Variants in GRM7 observed in about 807,000 individuals in gnomAD.
GRM7 encodes metabotropic glutamate receptor 7.
A neutral mutation model predicts 84.5 loss-of-function variants in GRM7; 35 were observed. The observed-to-expected ratio is 0.41, with a 90% CI of 0.32 to 0.55. The LOEUF (loss-of-function observed/expected upper bound fraction) is 0.55, where lower values mean the gene tolerates loss of function less well. Ranked by LOEUF, GRM7 falls within the 20% of genes least tolerant of loss-of-function variation. The pLI is 0.19. For missense variants in GRM7, 1,003 were observed against 1,194.6 expected, an observed-to-expected ratio of 0.84 and a Z score of 2.36; for synonymous variants, 487 against 455.1, an observed-to-expected ratio of 1.07 and a Z score of -0.89.
rs554122139 is a variant in GRM7 at position 7,574,966 on chromosome 3, A to G, written c.1516-3456A>G. On this transcript the variant is annotated intron_variant, in intron 7 of 9. Transcript: ENST00000357716. ...CTGAGTTTCTTTTTTTAAGTTAACA[A>G]TGGCATATTCGTTCTTTGTTCCTCT... 2.6e-5 allele frequency among the ~76,000 whole-genome samples: 4 copies of G among 152,270 alleles called. No individual in the cohort carries two copies. In the South Asian group the frequency reaches 8.3e-4, roughly 32 times the overall value.
At chr3:7,632,441 G>T (rs576746539) in intron 8 of GRM7, among the ~76,000 whole-genome samples, 3 of 152,146 alleles carry the variant, frequency 2.0e-5, no homozygotes, top group African/African-American at 7.2e-5. Context: ...TCAATATGGG[G>T]AAATTAATGT....
At chr3:7,143,616 C>T (rs1052477096) in intron 1 of GRM7, among the ~76,000 whole-genome samples, 7 of 152,070 alleles carry the variant, frequency 4.6e-5, no homozygotes, top group African/African-American at 1.2e-4. Context: ...ATTTTCATTA[C>T]TAAAATATGG....
chr3:7,232,614 C>T (rs1697229709), intron 2 of GRM7, among the ~76,000 whole-genome samples: 1 of 152,186 alleles, frequency 6.6e-6, no homozygotes, highest in Non-Finnish European at 1.5e-5. Context: ...GAAGAGGACT[C>T]TTGCAGTTTG....
chr3:6,968,812 G>A (rs2125090895), intron 1 of GRM7, among the ~76,000 whole-genome samples: 1 of 152,204 alleles, frequency 6.6e-6, no homozygotes, highest in African/African-American at 2.4e-5. Context: ...TGAAAGCAAG[G>A]CACTTAACCA....
chr3:7,618,722 T>C (rs950900516), intron 8 of GRM7, among the ~76,000 whole-genome samples: 1 of 152,112 alleles, frequency 6.6e-6, no homozygotes, highest in African/African-American at 2.4e-5. Context: ...TCCCAGAAGC[T>C]GTCAAGCAAT....
chr3:7,167,399 T>C (rs1694835169), intron 2 of GRM7, among the ~76,000 whole-genome samples: 1 of 152,188 alleles, frequency 6.6e-6, no homozygotes, highest in Non-Finnish European at 1.5e-5. Context: ...TCCCTGCATG[T>C]GCCATTGCAG....
intron 1 of GRM7, among the ~76,000 whole-genome samples, chr3:6,865,547 A>AT (rs34434467): frequency 3.9e-4 from 57 of 146,250 alleles, no homozygotes; most frequent in Middle Eastern, 3.6e-3. Context: ...ATTCAGGTGG[A>AT]TTTTTTTTTT....
At chr3:7,605,049 C>T (rs1025630463) in intron 8 of GRM7, among the ~76,000 whole-genome samples, 1 of 152,082 alleles carries the variant, frequency 6.6e-6, no homozygotes, top group East Asian at 1.9e-4. Context: ...ATTCTTGCTC[C>T]ACTGGACTTT....
At chr3:7,165,207 C>T (rs557038981) in intron 2 of GRM7, among the ~76,000 whole-genome samples, 60 of 152,286 alleles carry the variant, frequency 3.9e-4, no homozygotes, top group Non-Finnish European at 6.9e-4. Flanking sequence ...GGTTAACCAC[C>T]CCATGGCGCA....
At chr3:7,497,007 A>T (rs1208482238) in intron 7 of GRM7, among the ~76,000 whole-genome samples, 1 of 151,842 alleles carries the variant, frequency 6.6e-6, no homozygotes, top group Non-Finnish European at 1.5e-5. Context: ...ATTCTCATAG[A>T]TACTATAGAA....
At chr3:7,255,469 A>G (rs1025340019) in intron 2 of GRM7, among the ~76,000 whole-genome samples, 4 of 152,214 alleles carry the variant, frequency 2.6e-5, no homozygotes, top group Non-Finnish European at 5.9e-5. Context: ...TGACAATCCA[A>G]ACACGACTTT....
chr3:7,507,210 G>C (rs1700065292), intron 7 of GRM7, among the ~76,000 whole-genome samples: 1 of 152,180 alleles, frequency 6.6e-6, no homozygotes, highest in South Asian at 2.1e-4. Flanking sequence ...TGAGCCTAGA[G>C]AACCAGGCTG....
At chr3:7,642,628 G>C (rs1698418146) in intron 8 of GRM7, among the ~76,000 whole-genome samples, 1 of 152,090 alleles carries the variant, frequency 6.6e-6, no homozygotes, top group African/African-American at 2.4e-5. Context: ...CTTTAAATAA[G>C]GCTGTGCTTA....
chr3:7,130,604 C>T (rs377243591), intron 1 of GRM7, among the ~76,000 whole-genome samples: 1 of 151,238 alleles, frequency 6.6e-6, no homozygotes, highest in Non-Finnish European at 1.5e-5. Context: ...ATTAGTAGCT[C>T]TATCTCAAAA....
At chr3:7,317,625 C>CA (rs770320213) in intron 4 of GRM7, among the ~76,000 whole-genome samples, 29 of 151,900 alleles carry the variant, frequency 1.9e-4, no homozygotes, top group Non-Finnish European at 3.8e-4. Flanking sequence ...TTGGTTGTGA[C>CA]AAAAAATAGC....
At chr3:7,379,560 T>C (rs949516081) in intron 4 of GRM7, among the ~76,000 whole-genome samples, 1 of 152,314 alleles carries the variant, frequency 6.6e-6, no homozygotes, top group African/African-American at 2.4e-5. Flanking sequence ...CTTTAATTTC[T>C]TAAAAATTAT....
chr3:7,702,870 T>C (rs1420858804), intron 9 of GRM7, among the ~76,000 whole-genome samples: 1 of 151,970 alleles, frequency 6.6e-6, no homozygotes, highest in East Asian at 1.9e-4. Flanking sequence ...TTTTAAAAAA[T>C]ACACTGAAAT....
At chr3:7,561,562 A>T (rs1424145375) in intron 7 of GRM7, 1 of 456,408 alleles carries the variant, frequency 2.2e-6, no homozygotes. Flanking sequence ...ACATCGTAGT[A>T]CCCTTAGTAG....
At chr3:7,014,318 T>G (rs6765583) in intron 1 of GRM7, among the ~76,000 whole-genome samples, 7,086 of 152,148 alleles carry the variant, frequency 0.047, 542 homozygotes, top group African/African-American at 0.16. Context: ...TAGTAATATT[T>G]TATTTATTTA....
Sources: allele counts gnomAD v4.1 joint callset (sites outside exome capture counted in the v4.1 genomes callset), GRCh38; gene constraint gnomAD v4.1.1; transcripts MANE v1.5; gene names NCBI Gene and HGNC (gene_info 2026-07-23, HGNC 2026-07-21).